Variants in RBFOX1 observed in about 807,000 individuals in gnomAD.
RBFOX1 encodes RNA binding protein fox-1 homolog 1.
RBFOX1 carries 8 observed loss-of-function variants against 57.7 expected under a neutral mutation model. The observed-to-expected ratio is 0.14, with a 90% CI of 0.08 to 0.25. The LOEUF (loss-of-function observed/expected upper bound fraction) is 0.25. Ranked by LOEUF, RBFOX1 falls within the 10% of genes least tolerant of loss-of-function variation. The pLI is 1.00. For synonymous variants in RBFOX1, 326 were observed against 222.4 expected, an observed-to-expected ratio of 1.47 and a Z score of -4.15; for missense variants, 611 against 548.5, an observed-to-expected ratio of 1.11 and a Z score of -1.14.
At chr16:6,857,981 G>A (rs1013448423) in intron 3 of RBFOX1, among the ~76,000 whole-genome samples, 1 of 152,160 alleles carries the variant, frequency 6.6e-6, no homozygotes, top group African/African-American at 2.4e-5. Flanking sequence ...AGATGAAGTT[G>A]AGAGGGAGAT....
At chr16:6,486,468 T>A (rs2095484539) in intron 2 of RBFOX1, among the ~76,000 whole-genome samples, 1 of 152,150 alleles carries the variant, frequency 6.6e-6, no homozygotes. Context: ...TGTGTTTAGC[T>A]TTTAGCTTTT....
chr16:6,795,549 C>T lies in RBFOX1; in HGVS notation c.-16+140899C>T, dbSNP rs1465709281. Among the ~76,000 whole-genome samples, 9 of 151,942 alleles carry T rather than the reference C, an allele frequency of 5.9e-5. No homozygotes were observed. In the South Asian group the frequency reaches 6.2e-4, roughly 11 times the overall value. On this transcript the variant is annotated intron_variant, in intron 3 of 15. Coordinates refer to ENST00000550418, the MANE Select transcript of RBFOX1 (RefSeq NM_018723.4). The stretch of plus-strand genomic sequence containing the variant: ...TTGGGAGGCCGAGGTGGGTGAATCA[C>T]GAGGTCACAAGTTCAAGACCAGCCT...
intron 4 of RBFOX1, among the ~76,000 whole-genome samples, chr16:7,223,721 A>G (rs1255765397): frequency 3.3e-5 from 5 of 151,836 alleles, no homozygotes; most frequent in Non-Finnish European, 7.4e-5. Context: ...AGAAAAAAAA[A>G]AAAAAAAAAA....
intron 4 of RBFOX1, among the ~76,000 whole-genome samples, chr16:7,241,836 TTAAATATG>T (rs1446629358): frequency 1.3e-5 from 2 of 151,938 alleles, no homozygotes; most frequent in African/African-American, 2.4e-5. Context: ...TATACATATA[TTAAATATG>T]TAAATATGTA....
At chr16:6,616,056 C>G (rs2098136513) in intron 2 of RBFOX1, among the ~76,000 whole-genome samples, 1 of 152,150 alleles carries the variant, frequency 6.6e-6, no homozygotes, top group Non-Finnish European at 1.5e-5. Flanking sequence ...GTCAGACTGT[C>G]ATCGGTGTGG....
intron 4 of RBFOX1, among the ~76,000 whole-genome samples, chr16:7,273,879 G>A (rs184982745): frequency 3.3e-5 from 5 of 152,212 alleles, no homozygotes; most frequent in Admixed American, 2.0e-4. Context: ...TCTGCCATAC[G>A]TAAATGTATT....
At chr16:6,959,838 G>A (rs1326458628) in intron 3 of RBFOX1, among the ~76,000 whole-genome samples, 1 of 152,192 alleles carries the variant, frequency 6.6e-6, no homozygotes, top group Non-Finnish European at 1.5e-5. Flanking sequence ...TCGGGAGGCT[G>A]AGGCAGGAGA....
intron 3 of RBFOX1, among the ~76,000 whole-genome samples, chr16:6,966,201 C>T (rs762074466): frequency 4.6e-5 from 7 of 152,142 alleles, no homozygotes; most frequent in Admixed American, 2.0e-4. Context: ...AGCCAGCTGC[C>T]TTCCCCTCTC....
rs558640280 is a variant in RBFOX1 at position 7,113,616 on chromosome 16, G to C, written c.27+61518G>C. Among the ~76,000 whole-genome samples, 32 of 152,308 alleles carry C rather than the reference G, an allele frequency of 2.1e-4. No homozygotes were observed. In the South Asian group the frequency reaches 4.1e-3, roughly 20 times the overall value. On this transcript the variant is annotated intron_variant, in intron 4 of 15. Coordinates refer to ENST00000550418, the MANE Select transcript of RBFOX1 (RefSeq NM_018723.4). Reference sequence around the variant, plus strand: ...ATGCAAATTATTATGTTAGCATAGAGTGCAATACTACACAGTGTCTTCTGA... The same window carrying C: ...ATGCAAATTATTATGTTAGCATAGACTGCAATACTACACAGTGTCTTCTGA...
intron 4 of RBFOX1, among the ~76,000 whole-genome samples, chr16:7,213,148 C>T (rs2091452130): frequency 6.6e-6 from 1 of 152,144 alleles, no homozygotes; most frequent in South Asian, 2.1e-4. Flanking sequence ...GAAGCCCGAA[C>T]TCCCTAACCA....
intron 4 of RBFOX1, among the ~76,000 whole-genome samples, chr16:7,232,766 G>C (rs1054414039): frequency 1.3e-5 from 2 of 151,634 alleles, no homozygotes; most frequent in Middle Eastern, 3.4e-3. Flanking sequence ...GCTTGAACCT[G>C]GGAGGGGGAG....
At chr16:6,215,484 G>T (rs751602286) in intron 1 of RBFOX1, among the ~76,000 whole-genome samples, 13 of 152,004 alleles carry the variant, frequency 8.6e-5, no homozygotes, top group Admixed American at 3.3e-4. Flanking sequence ...GGGAGAGAAG[G>T]AGACAGAGTG....
At chr16:6,793,476 A>G (rs934224005) in intron 3 of RBFOX1, among the ~76,000 whole-genome samples, 5 of 152,174 alleles carry the variant, frequency 3.3e-5, no homozygotes, top group Non-Finnish European at 5.9e-5. Flanking sequence ...CTCAGTGGAC[A>G]TTGTTGGTAT....
At chr16:6,524,540 T>A (rs1009318986) in intron 2 of RBFOX1, among the ~76,000 whole-genome samples, 7 of 152,176 alleles carry the variant, frequency 4.6e-5, no homozygotes, top group Admixed American at 2.0e-4. Flanking sequence ...AGGGTAAGGG[T>A]ACCACAAGGT....
intron 3 of RBFOX1, among the ~76,000 whole-genome samples, chr16:6,781,503 A>G (rs979271841): frequency 2.6e-5 from 4 of 151,976 alleles, no homozygotes; most frequent in African/African-American, 9.7e-5. Flanking sequence ...TAGAATTGGT[A>G]TTAAGTCTTC....
chr16:5,766,827 C>T (rs1464474887), intron 3 of RBFOX1, among the ~76,000 whole-genome samples: 1 of 152,156 alleles, frequency 6.6e-6, no homozygotes, highest in Non-Finnish European at 1.5e-5. Flanking sequence ...GCTCTCTATC[C>T]CTCCCCACCA....
intron 4 of RBFOX1, among the ~76,000 whole-genome samples, chr16:7,353,579 A>G (rs2097164677): frequency 6.6e-6 from 1 of 152,228 alleles, no homozygotes; most frequent in African/African-American, 2.4e-5. Flanking sequence ...CAACTAAGAA[A>G]TGGATAAACA....
chr16:6,657,411 C>T (rs542547189), intron 3 of RBFOX1, among the ~76,000 whole-genome samples: 138 of 152,108 alleles, frequency 9.1e-4, no homozygotes, highest in African/African-American at 2.9e-3. Context: ...CCCTGAGGGA[C>T]GGCGTGCCCC....
intron 2 of RBFOX1, among the ~76,000 whole-genome samples, chr16:5,572,765 G>T (rs1187270969): frequency 2.0e-5 from 3 of 152,204 alleles, no homozygotes; most frequent in African/African-American, 7.2e-5. Context: ...ATAAAGAGGT[G>T]AGGGAATGTA....
Sources: allele counts gnomAD v4.1 joint callset (sites outside exome capture counted in the v4.1 genomes callset), GRCh38; gene constraint gnomAD v4.1.1; transcripts MANE v1.5; gene names NCBI Gene and HGNC (gene_info 2026-07-23, HGNC 2026-07-21).